Variants in EXT1 observed in about 807,000 individuals in gnomAD.
The protein encoded by EXT1 is exostosin glycosyltransferase 1.
In EXT1, 20 loss-of-function variants were observed where a neutral mutation model predicts 82.5. That is an observed-to-expected ratio of 0.24 (90% CI 0.17 to 0.35). EXT1 has a LOEUF of 0.35. EXT1 is among the 10% of genes least tolerant of loss of function. The pLI, the probability that EXT1 is intolerant of heterozygous loss-of-function variation, is 1.00. For missense variants in EXT1, 757 were observed against 936.5 expected (o/e 0.81, Z 2.50); for synonymous variants, 348 against 350.8 (o/e 0.99, Z 0.09).
intron 1 of EXT1, among the ~76,000 whole-genome samples, chr8:117,954,563 C>CA: frequency 6.6e-6 from 1 of 152,270 alleles, no homozygotes; most frequent in Non-Finnish European, 1.5e-5. Flanking sequence ...CTAAATGATA[C>CA]AAACAATGAA....
chr8:117,822,634 T>A (rs369959236), intron 4 of EXT1, 37 bp from the exon 5 acceptor site: 1 of 1,608,132 alleles, frequency 6.2e-7, no homozygotes, highest in East Asian at 2.2e-5. Flanking sequence ...GAGGATGAGA[T>A]CCTGATGATA....
At chr8:117,934,974 A>G (rs977183431) in intron 1 of EXT1, among the ~76,000 whole-genome samples, 3 of 152,236 alleles carry the variant, frequency 2.0e-5, no homozygotes, top group Non-Finnish European at 2.9e-5. Flanking sequence ...AGCAGAACAC[A>G]GCTTAAACAG....
At chr8:117,870,823 T>TCTCACACACACACACACA (rs150568638) in intron 1 of EXT1, among the ~76,000 whole-genome samples, 92 of 146,866 alleles carry the variant, frequency 6.3e-4, no homozygotes, top group African/African-American at 2.3e-3. Flanking sequence ...AAATGCTTTG[T>TCTCACACACACACACACA]CACACACACA....
At chr8:117,915,314 A>AC (rs1289348173) in intron 1 of EXT1, among the ~76,000 whole-genome samples, 1 of 151,988 alleles carries the variant, frequency 6.6e-6, no homozygotes, top group East Asian at 1.9e-4. Context: ...TTCTGCATAG[A>AC]ATGTTCAAAT....
chr8:117,862,743 GGC>G (rs1202492393), intron 1 of EXT1, among the ~76,000 whole-genome samples: 6 of 145,612 alleles, frequency 4.1e-5, no homozygotes, highest in African/African-American at 1.5e-4. Flanking sequence ...TAAACAGGTG[GGC>G]GTGAGAATGC....
At chr8:118,002,532 T>C (rs796213191) in intron 1 of EXT1, among the ~76,000 whole-genome samples, 5 of 87,564 alleles carry the variant, frequency 5.7e-5, no homozygotes, top group African/African-American at 2.2e-4. Context: ...ATTTTTCTTT[T>C]TTTTTTTTTT....
chr8:117,931,340 T>C (rs960618390), intron 1 of EXT1, among the ~76,000 whole-genome samples: 3 of 152,320 alleles, frequency 2.0e-5, no homozygotes, highest in Admixed American at 1.3e-4. Flanking sequence ...GACATACATA[T>C]GCCCTTCAAA....
chr8:117,908,825 G>A (rs1813589050), intron 1 of EXT1, among the ~76,000 whole-genome samples: 1 of 152,056 alleles, frequency 6.6e-6, no homozygotes, highest in African/African-American at 2.4e-5. Flanking sequence ...CAAACTTGAG[G>A]CTTAAAAATT....
intron 1 of EXT1, among the ~76,000 whole-genome samples, chr8:117,980,705 T>TG (rs1563619806): frequency 2.3e-5 from 1 of 44,420 alleles, no homozygotes; most frequent in Non-Finnish European, 4.6e-5. Context: ...GTGGTTTTTT[T>TG]TTTTTTTTTT....
At chr8:117,931,860 G>T (rs1231154726) in intron 1 of EXT1, among the ~76,000 whole-genome samples, 1 of 152,036 alleles carries the variant, frequency 6.6e-6, no homozygotes, top group Admixed American at 6.5e-5. Context: ...ACTCCCTCTG[G>T]GTCCTAGATT....
At chr8:117,898,554 C>A (rs1405732122) in intron 1 of EXT1, among the ~76,000 whole-genome samples, 2 of 152,200 alleles carry the variant, frequency 1.3e-5, no homozygotes, top group African/African-American at 4.8e-5. Context: ...TAGACCTGTA[C>A]AAGTTGAATT....
chr8:118,031,449 T>C (rs938758040), intron 1 of EXT1, among the ~76,000 whole-genome samples: 2 of 151,722 alleles, frequency 1.3e-5, no homozygotes, highest in African/African-American at 4.8e-5. Context: ...TGCTTGAACC[T>C]GCAAGGCGGA....
chr8:118,042,317 G>A (rs963912807), intron 1 of EXT1, among the ~76,000 whole-genome samples: 5 of 151,924 alleles, frequency 3.3e-5, no homozygotes, highest in African/African-American at 9.7e-5. Flanking sequence ...TTGTTTTGAT[G>A]GAGTCTTGCC....
At chr8:117,850,368 G>A (rs991957438) in intron 1 of EXT1, among the ~76,000 whole-genome samples, 4 of 152,176 alleles carry the variant, frequency 2.6e-5, no homozygotes, top group African/African-American at 9.7e-5. Flanking sequence ...CCTTCCTCAG[G>A]ATTAAGGCTA....
intron 1 of EXT1, among the ~76,000 whole-genome samples, chr8:117,909,346 T>C (rs1024535113): frequency 5.9e-5 from 9 of 152,150 alleles, no homozygotes; most frequent in Non-Finnish European, 1.2e-4. Context: ...TTAGGCCATA[T>C]TGTAGATGAG....
At position 117,893,820 on chromosome 8, in the gene EXT1, T is replaced by C. The variant is rs565689089; in HGVS notation, c.963-56619A>G. ...GTCCTCAAGGTCTCGATCTTACAAG[T>C]CCATCCTTGCCAGACCCGTTATCAC... On this transcript the variant is annotated intron_variant, in intron 1 of 10. Transcript: ENST00000378204. Among the ~76,000 whole-genome samples, 6 of 152,294 alleles carry C rather than the reference T, an allele frequency of 3.9e-5. No individual in the cohort carries two copies. The East Asian group carries it at 1.2e-3, about 29-fold the overall frequency.
chr8:117,858,844 GGAAAGAAA>G lies in EXT1; in HGVS notation c.963-21651_963-21644del, dbSNP rs1181366390. On this transcript the variant is annotated intron_variant, in intron 1 of 10. Transcript: ENST00000378204. ...AGGAAGGAAGGAAGGAAGGAAGGAA[GGAAAGAAA>G]GAAAGAAAGAAAGAAAGAAAGAAAG... Among the ~76,000 whole-genome samples the G allele has an allele frequency of 2.4e-3, 203 of 85,204 alleles. 4 individuals carry two copies. The highest frequency in any genetic ancestry group is 5.8e-3 in the Middle Eastern group (1 of 172). 55.9% of individuals were successfully genotyped at this position (85,204 alleles called of 152,430 possible). A position where few individuals can be genotyped will look rare whatever the true frequency, so the allele number is the denominator to read the frequency against.
At chr8:117,906,131 A>G (rs1354612166) in intron 1 of EXT1, among the ~76,000 whole-genome samples, 1 of 152,190 alleles carries the variant, frequency 6.6e-6, no homozygotes, top group Non-Finnish European at 1.5e-5. Flanking sequence ...CGTATTTCTT[A>G]CAGCAGTTGT....
At chr8:118,099,065 T>C (rs1817670864) in intron 1 of EXT1, among the ~76,000 whole-genome samples, 1 of 152,228 alleles carries the variant, frequency 6.6e-6, no homozygotes, top group South Asian at 2.1e-4. Context: ...TTCTACATTC[T>C]TAAACAAAGG....
Sources: gnomAD v4.1 joint callset for allele counts (sites outside exome capture counted in the v4.1 genomes callset) on GRCh38, gnomAD v4.1.1 for gene constraint, MANE v1.5 for transcripts, NCBI Gene and HGNC (gene_info 2026-07-23, HGNC 2026-07-21) for gene names.